Variants in GPC6 observed in about 807,000 individuals in gnomAD.
GPC6 encodes the protein glypican-6.
Under a neutral mutation model 55.2 loss-of-function variants are expected in GPC6, and 14 were observed. The ratio of observed to expected loss-of-function variants is 0.25; its 90% CI spans 0.17 to 0.40. GPC6 has a LOEUF of 0.40. Among genes scored for constraint, GPC6 ranks in the 10% least tolerant of loss-of-function variants. The pLI is 1.00. For missense variants in GPC6, 641 were observed against 708.5 expected, an observed-to-expected ratio of 0.90 and a Z score of 1.08; for synonymous variants, 278 against 259.6, an observed-to-expected ratio of 1.07 and a Z score of -0.68.
intron 4 of GPC6, among the ~76,000 whole-genome samples, chr13:94,091,654 A>G (rs938821518): frequency 6.6e-6 from 1 of 152,126 alleles, no homozygotes; most frequent in African/African-American, 2.4e-5. Flanking sequence ...TCAGTGATCC[A>G]TGAATTGGTA....
intron 3 of GPC6, among the ~76,000 whole-genome samples, chr13:93,940,686 T>C (rs1000988726): frequency 1.5e-4 from 23 of 152,304 alleles, no homozygotes; most frequent in Admixed American, 1.0e-3. Flanking sequence ...TGTAAAAGTA[T>C]ACTTATGAGA....
chr13:93,848,169 T>A (rs569589683), intron 3 of GPC6, among the ~76,000 whole-genome samples: 4 of 152,232 alleles, frequency 2.6e-5, no homozygotes, highest in Admixed American at 2.6e-4. Context: ...TATGTCAGAG[T>A]ATTTCCAACA....
intron 4 of GPC6, among the ~76,000 whole-genome samples, chr13:94,173,084 C>T (rs940249273): frequency 1.3e-5 from 2 of 152,156 alleles, no homozygotes; most frequent in African/African-American, 4.8e-5. Context: ...GAAAGGGATA[C>T]TTCAGCTTCA....
chr13:93,432,339 A>G (rs1877392906), intron 1 of GPC6, among the ~76,000 whole-genome samples: 1 of 152,264 alleles, frequency 6.6e-6, no homozygotes, highest in South Asian at 2.1e-4. Flanking sequence ...ATAAAGGTGT[A>G]AGTGAAATGT....
intron 6 of GPC6, among the ~76,000 whole-genome samples, chr13:94,347,202 T>A (rs1878334802): frequency 6.6e-6 from 1 of 152,162 alleles, no homozygotes; most frequent in African/African-American, 2.4e-5. Flanking sequence ...GGTCTCTTGT[T>A]CTTCCCATAT....
chr13:93,553,694 CA>C (rs34521652), intron 2 of GPC6, among the ~76,000 whole-genome samples: 18,345 of 56,314 alleles, frequency 0.33, 571 homozygotes, highest in South Asian at 0.36. Flanking sequence ...GACTCCATCT[CA>C]AAAAAAAAAA....
chr13:94,402,861 G>A (rs1594245047), intron 8 of GPC6, among the ~76,000 whole-genome samples, 154 bp from the exon 9 acceptor site: 1 of 152,088 alleles, frequency 6.6e-6, no homozygotes, highest in East Asian at 1.9e-4. Context: ...AACAGGATGG[G>A]GGAAACCACC....
At chr13:94,271,380 GCGCACACACACACACA>G (rs1394993093) in intron 4 of GPC6, among the ~76,000 whole-genome samples, 2 of 112,504 alleles carry the variant, frequency 1.8e-5, no homozygotes, top group South Asian at 2.9e-4. Flanking sequence ...GCGCGCGCGC[GCGCACACACACACACA>G]CACACACACA....
rs571314444 is a variant in GPC6 at position 93,558,623 on chromosome 13, C to T, written c.319+13202C>T. 2.0e-5 allele frequency among the ~76,000 whole-genome samples: 3 copies of T among 152,196 alleles called. No individual in the cohort carries two copies. In the East Asian group the frequency reaches 5.8e-4, roughly 29 times the overall value. On this transcript the variant is annotated intron_variant, in intron 2 of 8. Transcript: ENST00000377047. Reference sequence around the variant, plus strand: ...AGTGAAGTGTATCCATTATTAAGGTCCTTGAATATGTTTCAAAAGTAGAAA... The same window carrying T: ...AGTGAAGTGTATCCATTATTAAGGTTCTTGAATATGTTTCAAAAGTAGAAA...
chr13:93,992,925 A>G (rs1312690864), intron 3 of GPC6, among the ~76,000 whole-genome samples: 1 of 152,198 alleles, frequency 6.6e-6, no homozygotes, highest in Non-Finnish European at 1.5e-5. Flanking sequence ...CATTTCTCAG[A>G]TCTCCTTAGT....
intron 2 of GPC6, among the ~76,000 whole-genome samples, chr13:93,716,403 G>A (rs576188531): frequency 6.6e-6 from 1 of 151,518 alleles, no homozygotes; most frequent in Non-Finnish European, 1.5e-5. Context: ...GAGACAAGAT[G>A]TGGAAGTGGA....
chr13:94,028,095 A>G (rs1407775766), intron 4 of GPC6, among the ~76,000 whole-genome samples: 1 of 152,038 alleles, frequency 6.6e-6, no homozygotes, highest in East Asian at 1.9e-4. Context: ...TGAGATTCCC[A>G]TCTTTACAAA....
chr13:93,220,482 A>G, the GPC6 span, among the ~76,000 whole-genome samples: 4 of 152,236 alleles, frequency 2.6e-5, no homozygotes, highest in African/African-American at 9.6e-5. Context: ...TTTATTAACT[A>G]CAAAAATGCA....
chr13:93,918,022 G>A (rs1016178850), intron 3 of GPC6, among the ~76,000 whole-genome samples: 10 of 151,878 alleles, frequency 6.6e-5, no homozygotes, highest in East Asian at 5.8e-4. Context: ...ACTTGAACCC[G>A]GGAGGCAGAG....
chr13:93,984,618 C>G (rs1030115602), intron 3 of GPC6, among the ~76,000 whole-genome samples: 3 of 152,116 alleles, frequency 2.0e-5, no homozygotes, highest in Non-Finnish European at 1.5e-5. Context: ...TAAGTGAAGA[C>G]TCTGAGCAGA....
intron 1 of GPC6, among the ~76,000 whole-genome samples, chr13:93,404,636 C>T (rs1876218113): frequency 6.6e-6 from 1 of 152,058 alleles, no homozygotes; most frequent in African/African-American, 2.4e-5. Flanking sequence ...GTATTCGTTA[C>T]CACTGCAATG....
At chr13:93,800,276 A>G (rs1250655106) in intron 2 of GPC6, among the ~76,000 whole-genome samples, 1 of 152,218 alleles carries the variant, frequency 6.6e-6, no homozygotes, top group Non-Finnish European at 1.5e-5. Flanking sequence ...CTACCATTTG[A>G]TACATTTACT....
chr13:94,059,539 G>C lies in GPC6; in HGVS notation c.877+31645G>C, dbSNP rs960959978. 3.3e-5 allele frequency among the ~76,000 whole-genome samples: 5 copies of C among 151,940 alleles called. No individual in the cohort carries two copies. The South Asian group carries it at 1.0e-3, about 32-fold the overall frequency. ...GGGTTTAAAACCCATGAACACGAAC[G>C]TGTTCTGGTTTCTCCTTAGTTTCTT... On this transcript the variant is annotated intron_variant, in intron 4 of 8. Transcript: ENST00000377047.
At position 93,344,022 on chromosome 13, in the gene GPC6, T is replaced by C. The variant is rs1880350606; in HGVS notation, c.160+116406T>C. 2.0e-5 allele frequency among the ~76,000 whole-genome samples: 3 copies of C among 152,326 alleles called. No homozygotes were observed. The East Asian group carries it at 5.8e-4, about 29-fold the overall frequency. On this transcript the variant is annotated intron_variant, in intron 1 of 8. Transcript: ENST00000377047. ...TGCCTTACAAGTAGGATGGTGCCAG[T>C]TGGGATTTGATGACTTTAACTGAAA...
Sources: allele counts gnomAD v4.1 joint callset (sites outside exome capture counted in the v4.1 genomes callset), GRCh38; gene constraint gnomAD v4.1.1; transcripts MANE v1.5; gene names NCBI Gene and HGNC (gene_info 2026-07-23, HGNC 2026-07-21).